ZNF208: variants seen among roughly 807,000 people sequenced by gnomAD.
ZNF208 encodes the protein zinc finger protein 95.
ZNF208 carries 10 observed loss-of-function variants against 12.1 expected under a neutral mutation model. The observed-to-expected ratio is 0.83, with a 90% CI of 0.51 to 1.40. The LOEUF is 1.40. Among genes scored for constraint, ZNF208 ranks in the 40% most tolerant of loss-of-function variants. The pLI, the probability that ZNF208 is intolerant of heterozygous loss-of-function variation, is 0.00. For missense variants in ZNF208, 1,652 were observed against 1,485.0 expected, an observed-to-expected ratio of 1.11 and a Z score of -1.85; for synonymous variants, 497 against 488.4, an observed-to-expected ratio of 1.02 and a Z score of -0.23.
In ZNF208 at chr19:21,966,479, G is replaced by A. The variant is rs1342952695; in HGVS notation, c.*4712C>T. The A allele has an allele frequency of 6.6e-6, 1 of 152,090 alleles. No homozygotes were observed. Among genetic ancestry groups the A allele is most frequent in the African/African-American group, 2.4e-5 (1 of 41,434 alleles). 9.4% of individuals were successfully genotyped at this position (152,090 alleles called of 1,614,324 possible). ...CTGCATAGTATTGGAGGTTGTATAAGTACATCATTTTTCTTATCCAATAAA... is the reference window on the plus strand; with the variant it reads ...CTGCATAGTATTGGAGGTTGTATAAATACATCATTTTTCTTATCCAATAAA... On this transcript the variant is annotated 3_prime_UTR_variant, in exon 4 of 4. Transcript: ENST00000397126.
chr19:21,999,288 A>G (rs1041578242), intron 1 of ZNF208, among the ~76,000 whole-genome samples: 1 of 152,188 alleles, frequency 6.6e-6, no homozygotes, highest in African/African-American at 2.4e-5. Flanking sequence ...TATGAATAAT[A>G]TTAAAATAAC....
In ZNF208 at chr19:21,971,140, A is replaced by G; in HGVS notation, c.*51T>C. Reference sequence around the variant, plus strand: ...TCTCTCCAGTATGAATTTTCTTATGATAACTAAGGGTTGAGGGCCACTTAT... The same window carrying G: ...TCTCTCCAGTATGAATTTTCTTATGGTAACTAAGGGTTGAGGGCCACTTAT... On this transcript the variant is annotated 3_prime_UTR_variant, in exon 4 of 4. Coordinates refer to ENST00000397126, the MANE Select transcript of ZNF208 (RefSeq NM_007153.3). 2 of 1,610,674 alleles carry G rather than the reference A, an allele frequency of 1.2e-6. No individual in the cohort carries two copies. The highest frequency in any genetic ancestry group is 1.7e-6 in the Non-Finnish European group (2 of 1,178,824).
intron 3 of ZNF208, among the ~76,000 whole-genome samples, chr19:21,977,408 G>A (rs1970452449): frequency 1.3e-5 from 2 of 152,202 alleles, no homozygotes; most frequent in Non-Finnish European, 2.9e-5. Flanking sequence ...GTTGAACAGT[G>A]GGTGCGGCTC....
At chr19:21,946,062 A>G (rs896157821) in intron 4 of ZNF208, among the ~76,000 whole-genome samples, 2 of 152,258 alleles carry the variant, frequency 1.3e-5, no homozygotes, top group African/African-American at 4.8e-5. Context: ...AAGGCCTGAC[A>G]TAGAAATGTC....
At chr19:21,975,823 C>CAAAAAAAAAAAAAA (rs532995268) in intron 3 of ZNF208, among the ~76,000 whole-genome samples, 1 of 26,408 alleles carries the variant, frequency 3.8e-5, no homozygotes, top group African/African-American at 1.3e-4. Flanking sequence ...AGTCAAAGTC[C>CAAAAAAAAAAAAAA]AAAAAAAAAA....
rs775103708 is a variant in ZNF208 at position 21,966,152 on chromosome 19, T to C, written c.*5039A>G. The C allele has an allele frequency of 4.6e-5, 7 of 152,118 alleles. No homozygotes were observed. Among genetic ancestry groups the C allele is most frequent in the African/African-American group, 7.2e-5 (3 of 41,450 alleles). The allele number at this position is 152,118 out of a possible 1,614,324, so 9.4% of individuals were successfully genotyped here. A position where few individuals can be genotyped will look rare whatever the true frequency, so the allele number is the denominator to read the frequency against. ...TATATTTAAGGTACATGTGCAGATT[T>C]GTAAAACAGGTAGACTACATGATGT... On this transcript the variant is annotated 3_prime_UTR_variant, in exon 4 of 4. Coordinates refer to ENST00000397126, the MANE Select transcript of ZNF208 (RefSeq NM_007153.3).
At chr19:21,952,421 G>C (rs1016964760) in intron 4 of ZNF208, among the ~76,000 whole-genome samples, 3 of 152,310 alleles carry the variant, frequency 2.0e-5, no homozygotes, top group African/African-American at 7.2e-5. Flanking sequence ...ACCTCATATA[G>C]GTGGGTGCCC....
Position 22,010,896 on chromosome 19 carries a change from A to C in ZNF208, c.-102T>G. On this transcript the variant is annotated 5_prime_UTR_variant, in exon 1 of 4. Coordinates refer to ENST00000397126, the MANE Select transcript of ZNF208 (RefSeq NM_007153.3). ...GGGACTCTAGGAGCAGAGGACACAC[A>C]GCAGTAAGGACGAGACCTTGACCTC... The C allele has an allele frequency of 3.2e-6, 5 of 1,554,344 alleles. No individual in the cohort carries two copies. Among genetic ancestry groups the C allele is most frequent in the Non-Finnish European group, 4.4e-6 (5 of 1,127,670 alleles).
rs1458751313 is a variant in ZNF208 at position 21,971,364 on chromosome 19, G to T, written c.3670C>A (p.Pro1224Thr). 2 of 1,610,048 alleles carry T rather than the reference G, an allele frequency of 1.2e-6. No individual in the cohort carries two copies. The highest frequency in any genetic ancestry group is 2.2e-5 in the South Asian group (2 of 91,000). Reference protein sequence around the residue: ...YHKKIHTGEKPYKCEECGKAF... With the variant: ...YHKKIHTGEKTYKCEECGKAF... ...TTGCCACATTCTTCACATTTGTAGG[G>T]TTTCTCTCCAGTATGAATTTTCTTG... Residue 1224 changes from proline to threonine, a missense_variant, in exon 4 of 4, where the codon CCC becomes ACC. By Grantham distance (38) the Pro-to-Thr change is conservative (BLOSUM62 -1). Transcript: ENST00000397126.
chr19:21,992,070 A>G (rs8103368), intron 1 of ZNF208, among the ~76,000 whole-genome samples: 88,787 of 152,008 alleles, frequency 0.58, 26,197 homozygotes, highest in East Asian at 0.69. Flanking sequence ...TCATTTTCCA[A>G]AAACAGACAA....
chr19:21,946,028 T>C (rs903640278), intron 4 of ZNF208, among the ~76,000 whole-genome samples: 11 of 152,198 alleles, frequency 7.2e-5, no homozygotes, highest in Non-Finnish European at 2.9e-5. Context: ...TGCACACACC[T>C]CTGGCTTACT....
chr19:21,974,667 ACT>A lies in ZNF208; in HGVS notation c.365_366del (p.Glu122ValfsTer2). On this transcript the variant is annotated frameshift_variant, in exon 4 of 4. Transcript: ENST00000397126. LOFTEE classifies it low-confidence loss of function (END_TRUNC). ...TTATAACCTTCTTTGTGCACCTTACACTCATCCACATTGGTATAACCAATTTT... is the reference window on the plus strand; with the variant it reads ...TTATAACCTTCTTTGTGCACCTTACACATCCACATTGGTATAACCAATTTT... ...HLKIGYTNVD[E>X]CKVHKEGYNK... The A allele has an allele frequency of 6.2e-7, 1 of 1,613,662 alleles. No homozygotes were observed. Among genetic ancestry groups the A allele is most frequent in the South Asian group, 1.1e-5 (1 of 91,050 alleles).
chr19:21,945,275 C>A (rs73015567), intron 4 of ZNF208, among the ~76,000 whole-genome samples: 19,204 of 152,242 alleles, frequency 0.13, 1,449 homozygotes, highest in Admixed American at 0.21. Context: ...TCCCTTCTCT[C>A]TCAAGATGTA....
rs368599138 is a variant in ZNF208 at position 21,973,538 on chromosome 19, C to T, written c.1496G>A (p.Cys499Tyr). Reference protein sequence around the residue: ...ATHAGEKPYKCEECGKAFNWS... With the variant: ...ATHAGEKPYKYEECGKAFNWS... The stretch of plus-strand genomic sequence containing the variant: ...GTTGAAAGCTTTGCCACATTCTTCA[C>T]ATTTGTAGGGTTTCTCTCCAGCATG... Residue 499 changes from cysteine to tyrosine, a missense_variant, in exon 4 of 4, where the codon TGT (cysteine) becomes TAT (tyrosine). By Grantham distance (194) the Cys-to-Tyr change is radical. This residue lies in a region of ZNF208 where 1,239 missense variants were observed against 1,086.2 expected (regional missense o/e 1.14). Coordinates refer to ENST00000397126, the MANE Select transcript of ZNF208 (RefSeq NM_007153.3). 44 of 1,612,714 alleles carry T rather than the reference C, an allele frequency of 2.7e-5. No homozygotes were observed. In the African/African-American group the frequency reaches 5.0e-4, roughly 18 times the overall value.
At chr19:21,996,490 G>A (rs890425000) in intron 1 of ZNF208, among the ~76,000 whole-genome samples, 2 of 152,066 alleles carry the variant, frequency 1.3e-5, no homozygotes, top group African/African-American at 4.8e-5. Flanking sequence ...GGAGAAAAAC[G>A]TAATTGTGCT....
chr19:21,944,552 T>A (rs1348849086), intron 4 of ZNF208, among the ~76,000 whole-genome samples: 1 of 152,166 alleles, frequency 6.6e-6, no homozygotes, highest in Non-Finnish European at 1.5e-5. Flanking sequence ...ATATACTATA[T>A]TATTTAGACA....
At chr19:21,985,196 T>C (rs1222539831) in intron 3 of ZNF208, among the ~76,000 whole-genome samples, 8 of 152,122 alleles carry the variant, frequency 5.3e-5, no homozygotes, top group African/African-American at 1.9e-4. Flanking sequence ...GCATTTAAAC[T>C]CTTAGAAACA....
At position 21,971,164 on chromosome 19, in the gene ZNF208, A is replaced by G. The variant is rs1443634964; in HGVS notation, c.*27T>C. 1.2e-6 allele frequency: 2 copies of G among 1,612,296 alleles called. No individual in the cohort carries two copies. The highest frequency in any genetic ancestry group is 2.7e-5 in the African/African-American group (2 of 74,748). On this transcript the variant is annotated 3_prime_UTR_variant, in exon 4 of 4. Coordinates refer to ENST00000397126, the MANE Select transcript of ZNF208 (RefSeq NM_007153.3). ...GATAACTAAGGGTTGAGGGCCACTT[A>G]TAGGCTTTGCCACATTCTTCACATT...
At chr19:21,962,879 AG>A (rs1444812545), downstream of ZNF208, among the ~76,000 whole-genome samples, 1 of 152,150 alleles carries the variant, frequency 6.6e-6, no homozygotes, top group Non-Finnish European at 1.5e-5. Context: ...GAGCAGAAAA[AG>A]GAATATTATC....
Sources: allele counts gnomAD v4.1 joint callset (sites outside exome capture counted in the v4.1 genomes callset), GRCh38; gene constraint gnomAD v4.1.1; regional missense constraint gnomAD v4.1.1; transcripts MANE v1.5; gene names NCBI Gene and HGNC (gene_info 2026-07-23, HGNC 2026-07-21).